Variants in TMEM178B observed in about 807,000 individuals in gnomAD.
TMEM178B encodes transmembrane protein 178B.
A neutral mutation model predicts 31.0 loss-of-function variants in TMEM178B; 5 were observed. The ratio of observed to expected loss-of-function variants is 0.16; its 90% confidence interval spans 0.08 to 0.34. TMEM178B has a LOEUF of 0.34. Among genes scored for constraint, TMEM178B ranks in the 10% least tolerant of loss-of-function variants. The probability of loss-of-function intolerance (pLI) is 1.00; values close to 1 mark genes in which losing one functional copy is unlikely to be tolerated. For synonymous variants in TMEM178B, 164 were observed against 164.0 expected (o/e 1.00, Z 0.00); for missense variants, 275 against 400.3 (o/e 0.69, Z 2.67).
chr7:141,391,000 A>G (rs1159501272), intron 2 of TMEM178B, among the ~76,000 whole-genome samples: 1 of 152,178 alleles, frequency 6.6e-6, no homozygotes, highest in African/African-American at 2.4e-5. Flanking sequence ...CTTGACGCAG[A>G]AAGTGAATGC....
At chr7:141,313,778 T>TA (rs1341692927) in intron 2 of TMEM178B, among the ~76,000 whole-genome samples, 2 of 120,574 alleles carry the variant, frequency 1.7e-5, no homozygotes, top group East Asian at 4.0e-4. Context: ...TTTTTATGTT[T>TA]AAAAAAATTC....
At chr7:141,202,502 C>G (rs1796894145) in intron 1 of TMEM178B, among the ~76,000 whole-genome samples, 1 of 151,980 alleles carries the variant, frequency 6.6e-6, no homozygotes, top group African/African-American at 2.4e-5. Flanking sequence ...TCAGTCTACG[C>G]AATGCATACA....
At chr7:141,276,202 G>A (rs1203445396) in intron 2 of TMEM178B, among the ~76,000 whole-genome samples, 4 of 152,100 alleles carry the variant, frequency 2.6e-5, no homozygotes, top group East Asian at 1.9e-4. Context: ...ATAGAGAGCC[G>A]GGTGTGCCTG....
At chr7:141,499,043 AC>A in the TMEM178B span, among the ~76,000 whole-genome samples, 1 of 152,166 alleles carries the variant, frequency 6.6e-6, no homozygotes, top group African/African-American at 2.4e-5. Flanking sequence ...TGCCACCAGT[AC>A]CACAGCCACC....
chr7:141,411,078 A>T (rs1800979580), intron 2 of TMEM178B, among the ~76,000 whole-genome samples: 1 of 151,476 alleles, frequency 6.6e-6, no homozygotes. Flanking sequence ...AAAAAGAAAA[A>T]TTTTTAAAAA....
the TMEM178B span, among the ~76,000 whole-genome samples, chr7:141,509,117 A>C: frequency 1.3e-5 from 2 of 152,224 alleles, no homozygotes; most frequent in East Asian, 1.9e-4. Flanking sequence ...ACATGTGTAC[A>C]TTCATAGACA....
At chr7:141,341,308 C>G (rs1799511958) in intron 2 of TMEM178B, among the ~76,000 whole-genome samples, 1 of 152,160 alleles carries the variant, frequency 6.6e-6, no homozygotes, top group South Asian at 2.1e-4. Flanking sequence ...CACTGTGCTA[C>G]TTTAACTTAG....
chr7:141,378,267 T>C (rs1185872150), intron 2 of TMEM178B, among the ~76,000 whole-genome samples: 3 of 152,224 alleles, frequency 2.0e-5, no homozygotes, highest in African/African-American at 4.8e-5. Flanking sequence ...ACATGACTTA[T>C]TGCTGGTGAA....
In TMEM178B at chr7:141,171,936, GTAATTGT is replaced by G. The variant is rs1187078806; in HGVS notation, c.383-40653_383-40647del. Among the ~76,000 whole-genome samples the G allele has an allele frequency of 2.0e-5, 3 of 152,180 alleles. No homozygotes were observed. The highest frequency in any genetic ancestry group is 4.4e-5 in the Non-Finnish European group (3 of 68,036). ...GCCTCTACACATTAATTCTCAACAG[GTAATTGT>G]TGAGTACCTATTGTGTGCTAGTGCT... is the stretch of plus-strand genomic sequence containing the variant. On this transcript the variant is annotated intron_variant, in intron 1 of 3. Coordinates refer to ENST00000565468, the MANE Select transcript of TMEM178B (RefSeq NM_001195278.2). The surrounding 1 kb of genome is among the most constrained non-coding windows in gnomAD (Gnocchi z 4.3).
At chr7:141,369,242 T>A (rs1308988395) in intron 2 of TMEM178B, among the ~76,000 whole-genome samples, 1 of 152,124 alleles carries the variant, frequency 6.6e-6, no homozygotes, top group African/African-American at 2.4e-5. Flanking sequence ...TAAGTGATAC[T>A]ACCTAGTATA....
At chr7:141,261,617 C>T (rs1798013233) in intron 2 of TMEM178B, among the ~76,000 whole-genome samples, 1 of 152,106 alleles carries the variant, frequency 6.6e-6, no homozygotes, top group East Asian at 1.9e-4. Context: ...TGTGAGTGGA[C>T]GTGATTATCA....
intron 2 of TMEM178B, among the ~76,000 whole-genome samples, chr7:141,365,679 C>G (rs988125821): frequency 6.6e-6 from 1 of 152,260 alleles, no homozygotes; most frequent in Admixed American, 6.5e-5. Flanking sequence ...TGTCTGCTCA[C>G]TGTGTGCCCG....
intron 1 of TMEM178B, among the ~76,000 whole-genome samples, chr7:141,131,321 AT>A (rs566745604): frequency 1.2e-3 from 179 of 151,812 alleles, no homozygotes; most frequent in Non-Finnish European, 2.1e-3. Context: ...AAGCAGCTTA[AT>A]TTTTTTTTAA....
the TMEM178B span, among the ~76,000 whole-genome samples, chr7:141,500,321 A>G: frequency 6.6e-6 from 1 of 152,196 alleles, no homozygotes; most frequent in Non-Finnish European, 1.5e-5. Context: ...GCAGGGTAGG[A>G]GCATAAGCCA....
chr7:141,141,291 T>C (rs1795764241), intron 1 of TMEM178B, among the ~76,000 whole-genome samples: 1 of 152,146 alleles, frequency 6.6e-6, no homozygotes, highest in South Asian at 2.1e-4. Flanking sequence ...TCAATTTTTT[T>C]TTTCATCTTC....
intron 2 of TMEM178B, among the ~76,000 whole-genome samples, chr7:141,226,007 G>T (rs1421241729): frequency 1.3e-5 from 2 of 152,156 alleles, no homozygotes; most frequent in Non-Finnish European, 2.9e-5. Context: ...GCAATCAGGT[G>T]TGTGTGGTGT....
chr7:141,508,243 T>TA, the TMEM178B span, among the ~76,000 whole-genome samples: 1 of 152,208 alleles, frequency 6.6e-6, no homozygotes, highest in Non-Finnish European at 1.5e-5. Context: ...GCTCTAGCTT[T>TA]AGCAGTCTCT....
intron 1 of TMEM178B, among the ~76,000 whole-genome samples, chr7:141,148,774 A>G (rs1483733475): frequency 6.6e-6 from 1 of 152,234 alleles, no homozygotes; most frequent in African/African-American, 2.4e-5. Flanking sequence ...ACATGGTTCT[A>G]AGTGCCATGT....
chr7:141,364,530 C>T (rs957088902), intron 2 of TMEM178B, among the ~76,000 whole-genome samples: 10 of 151,712 alleles, frequency 6.6e-5, no homozygotes, highest in South Asian at 2.1e-4. Flanking sequence ...CATGGTGGCA[C>T]GTGCCTGTAG....
Sources: gnomAD v4.1 joint callset for allele counts (sites outside exome capture counted in the v4.1 genomes callset) on GRCh38, gnomAD v4.1.1 for gene constraint, Gnocchi (gnomAD v3.1) non-coding constraint, MANE v1.5 for transcripts, NCBI Gene and HGNC (gene_info 2026-07-23, HGNC 2026-07-21) for gene names.